Variants in DOCK10 observed in about 807,000 individuals in gnomAD.
DOCK10 encodes dedicator of cytokinesis 10.
In DOCK10, 145 loss-of-function variants were observed where a neutral mutation model predicts 280.1. The observed-to-expected ratio is 0.52, with a 90% CI of 0.45 to 0.59. The LOEUF (loss-of-function observed/expected upper bound fraction) is 0.59, where lower values mean the gene tolerates loss of function less well. DOCK10 is among the 20% of genes least tolerant of loss of function. The pLI, the probability that DOCK10 is intolerant of heterozygous loss-of-function variation, is 0.00. For synonymous variants in DOCK10, 915 were observed against 942.2 expected (o/e 0.97, Z 0.53); for missense variants, 2,368 against 2,651.7 (o/e 0.89, Z 2.35).
chr2:224,893,907 C>T (rs1037365399), intron 4 of DOCK10, among the ~76,000 whole-genome samples: 2 of 152,078 alleles, frequency 1.3e-5, no homozygotes, highest in African/African-American at 4.8e-5. Flanking sequence ...CATTACTGAC[C>T]TAAATACATG....
At chr2:224,964,355 T>C (rs1704612711) in intron 1 of DOCK10, among the ~76,000 whole-genome samples, 1 of 152,228 alleles carries the variant, frequency 6.6e-6, no homozygotes. Flanking sequence ...GAAAGAGATA[T>C]GACCTGACTC....
At chr2:224,795,308 C>T (rs1323274763) in intron 44 of DOCK10, among the ~76,000 whole-genome samples, 1 of 152,184 alleles carries the variant, frequency 6.6e-6, no homozygotes, top group Non-Finnish European at 1.5e-5. Context: ...ATTCTTTTGT[C>T]TTCAAGAACA....
intron 3 of DOCK10, among the ~76,000 whole-genome samples, chr2:224,910,976 CT>C (rs533195850): frequency 1.1e-4 from 17 of 149,226 alleles, no homozygotes; most frequent in East Asian, 5.9e-4. Flanking sequence ...TTCTCTCTCC[CT>C]TTTTTTTTTC....
chr2:224,975,039 A>AT (rs1465279949), intron 1 of DOCK10, among the ~76,000 whole-genome samples: 1 of 150,630 alleles, frequency 6.6e-6, no homozygotes, highest in Non-Finnish European at 1.5e-5. Flanking sequence ...AGCTGTTTTG[A>AT]TTTTTCTTTT....
chr2:224,773,111 G>A (rs1168559593), intron 53 of DOCK10, 46 bp downstream of exon 53: 1 of 1,503,696 alleles, frequency 6.7e-7, no homozygotes, highest in South Asian at 1.3e-5. Context: ...TTTACACCTG[G>A]TTTCATTGGC....
At chr2:224,933,964 C>T (rs1156721355) in intron 1 of DOCK10, among the ~76,000 whole-genome samples, 5 of 152,044 alleles carry the variant, frequency 3.3e-5, no homozygotes, top group Non-Finnish European at 7.4e-5. Flanking sequence ...TTCTGGTACC[C>T]CAATGTTACC....
chr2:224,889,985 G>A (rs542156811), intron 4 of DOCK10, among the ~76,000 whole-genome samples: 4 of 152,174 alleles, frequency 2.6e-5, no homozygotes, highest in Non-Finnish European at 5.9e-5. Context: ...TTCTTAAAAT[G>A]GTGGCACAGC....
chr2:224,817,526 T>C (rs1158972706), intron 29 of DOCK10, among the ~76,000 whole-genome samples: 2 of 152,340 alleles, frequency 1.3e-5, no homozygotes, highest in African/African-American at 4.8e-5. Flanking sequence ...AATACTGCCA[T>C]TTCAAAAAGG....
At chr2:224,941,375 C>T (rs1575091317) in intron 1 of DOCK10, among the ~76,000 whole-genome samples, 1 of 152,150 alleles carries the variant, frequency 6.6e-6, no homozygotes, top group South Asian at 2.1e-4. Flanking sequence ...AACAGAAATG[C>T]TTTTTCTTCA....
At chr2:224,999,411 A>G (rs73083764) in intron 1 of DOCK10, among the ~76,000 whole-genome samples, 1 of 151,950 alleles carries the variant, frequency 6.6e-6, no homozygotes, top group African/African-American at 2.4e-5. Flanking sequence ...CAGCGAGTGA[A>G]GCTCAACTTA....
rs1698628604 is a variant in DOCK10, at chr2:224,876,350, C to T, written c.748-129G>A. ...GATAGATAACATAAAGAAAATTTTC[C>T]AGAACAAGACAAAATTTTAGATGGG... On this transcript the variant is annotated intron_variant, in intron 7 of 55. Transcript: ENST00000258390. 9 of 750,716 alleles carry T rather than the reference C, an allele frequency of 1.2e-5. No homozygotes were observed. The South Asian group carries it at 1.9e-4, about 16-fold the overall frequency. The allele number at this position is 750,716 out of a possible 1,614,324, so 46.5% of individuals were successfully genotyped here.
At chr2:224,924,608 T>TAGATTATTTGGG (rs764119694) in intron 2 of DOCK10, among the ~76,000 whole-genome samples, 7 of 152,232 alleles carry the variant, frequency 4.6e-5, no homozygotes, top group Non-Finnish European at 1.0e-4. Flanking sequence ...CATCAGTTGA[T>TAGATTATTTGGG]AGATTATTTG....
intron 3 of DOCK10, among the ~76,000 whole-genome samples, chr2:224,915,479 A>G (rs34256085): frequency 0.34 from 51,387 of 151,958 alleles, 8,770 homozygotes; most frequent in Middle Eastern, 0.37. Context: ...TGGAATTGGG[A>G]AAAAAAAGAC....
At chr2:225,027,257 A>G (rs1196061093) in intron 1 of DOCK10, among the ~76,000 whole-genome samples, 1 of 152,210 alleles carries the variant, frequency 6.6e-6, no homozygotes, top group Non-Finnish European at 1.5e-5. Context: ...GTGACAGTCT[A>G]GGGTCTACTG....
rs140045007 is a variant in DOCK10, at chr2:224,974,607, G to GT, written c.124-42940dup. ...AACAAAACCCCAAACAAGCATACCA[G>GT]TTTTTTTCTATATTTGATTATGTTT... On this transcript the variant is annotated intron_variant, in intron 1 of 55. Coordinates refer to ENST00000258390, the MANE Select transcript of DOCK10 (RefSeq NM_014689.3). Among the ~76,000 whole-genome samples the GT allele has an allele frequency of 5.8e-3, 882 of 150,854 alleles. 7 individuals carry two copies. Among genetic ancestry groups the GT allele is most frequent in the African/African-American group, 0.021 (846 of 41,194 alleles).
intron 13 of DOCK10, among the ~76,000 whole-genome samples, 182 bp downstream of exon 13, chr2:224,864,371 G>T (rs141951942): frequency 1.3e-5 from 2 of 152,054 alleles, no homozygotes; most frequent in African/African-American, 2.4e-5. Context: ...TTAGCTGGGC[G>T]TGGTGGCATG....
At chr2:224,938,112 T>C (rs1702794856) in intron 1 of DOCK10, among the ~76,000 whole-genome samples, 1 of 152,172 alleles carries the variant, frequency 6.6e-6, no homozygotes, top group African/African-American at 2.4e-5. Context: ...TATTCTTGGT[T>C]CTCTTTTTCA....
chr2:224,941,465 C>T (rs530218770), intron 1 of DOCK10, among the ~76,000 whole-genome samples: 11 of 152,252 alleles, frequency 7.2e-5, no homozygotes, highest in East Asian at 3.9e-4. Flanking sequence ...CTGCAGCAAA[C>T]GGCAAGAGAA....
At chr2:224,856,083 T>C (rs72972608) in intron 15 of DOCK10, among the ~76,000 whole-genome samples, 14,836 of 152,230 alleles carry the variant, frequency 0.097, 961 homozygotes, top group Middle Eastern at 0.18. Flanking sequence ...GTTTACACCA[T>C]AGACACTGGC....
Sources: allele counts gnomAD v4.1 joint callset (sites outside exome capture counted in the v4.1 genomes callset), GRCh38; gene constraint gnomAD v4.1.1; transcripts MANE v1.5; gene names NCBI Gene and HGNC (gene_info 2026-07-23, HGNC 2026-07-21).